Variants in FGF18 observed in about 807,000 individuals in gnomAD.
FGF18 encodes the protein fibroblast growth factor 18.
Under a neutral mutation model 23.0 loss-of-function variants are expected in FGF18, and 5 were observed. The ratio of observed to expected loss-of-function variants is 0.22; its 90% confidence interval spans 0.11 to 0.46. FGF18 has a LOEUF of 0.46. FGF18 is among the 20% of genes least tolerant of loss of function. The probability of loss-of-function intolerance (pLI) is 0.99; values close to 1 mark genes in which losing one functional copy is unlikely to be tolerated. For missense variants in FGF18, 180 were observed against 291.6 expected (o/e 0.62, Z 2.79); for synonymous variants, 117 against 118.9 (o/e 0.98, Z 0.10).
intron 3 of FGF18, among the ~76,000 whole-genome samples, chr5:171,442,824 A>G (rs1772365003): frequency 6.6e-6 from 1 of 152,186 alleles, no homozygotes. Context: ...CGGCTGGGGA[A>G]GCACACTGGG....
intron 4 of FGF18, among the ~76,000 whole-genome samples, chr5:171,454,508 C>CGTGT: frequency 6.6e-6 from 1 of 152,258 alleles, no homozygotes; most frequent in East Asian, 1.9e-4. Flanking sequence ...CTGGGTCCCA[C>CGTGT]GTGTGTGTCC....
At chr5:171,443,429 G>GTTCACACTC (rs1561888985) in intron 3 of FGF18, among the ~76,000 whole-genome samples, 2 of 143,280 alleles carry the variant, frequency 1.4e-5, no homozygotes, top group African/African-American at 5.2e-5. Context: ...CCGGCCCCAC[G>GTTCACACTC]TTCACACTCT....
At position 171,443,135 on chromosome 5, in the gene FGF18, C is replaced by CTT. The variant is rs551889632; in HGVS notation, c.251-6000_251-5999dup. 6.3e-3 allele frequency among the ~76,000 whole-genome samples: 931 copies of CTT among 147,270 alleles called. 13 individuals are homozygous for CTT. The highest frequency in any genetic ancestry group is 0.021 in the African/African-American group (849 of 40,160). ...AAATGAGATATTCCACATTCACACA[C>CTT]TTTTTTTTTTTTTAGATGGAGTCTC... On this transcript the variant is annotated intron_variant, in intron 3 of 4. Transcript: ENST00000274625.
At chr5:171,420,596 G>A (rs1220792379) in intron 2 of FGF18, among the ~76,000 whole-genome samples, 153 bp downstream of exon 2, 1 of 152,144 alleles carries the variant, frequency 6.6e-6, no homozygotes, top group Non-Finnish European at 1.5e-5. Context: ...GCGGCTCCGC[G>A]TGCGCCCTGC....
chr5:171,448,292 T>A (rs2113359464), intron 3 of FGF18, among the ~76,000 whole-genome samples: 1 of 151,966 alleles, frequency 6.6e-6, no homozygotes, highest in Non-Finnish European at 1.5e-5. Context: ...CTCCTGGGAG[T>A]TAGTTACCCT....
intron 3 of FGF18, among the ~76,000 whole-genome samples, chr5:171,447,575 CT>C (rs1411900871): frequency 2.0e-5 from 3 of 152,216 alleles, no homozygotes; most frequent in East Asian, 1.9e-4. Context: ...GTAAATTCTT[CT>C]TTTTTTCCCT....
intron 2 of FGF18, among the ~76,000 whole-genome samples, chr5:171,430,769 T>C (rs1168693524): frequency 8.7e-6 from 1 of 114,708 alleles, no homozygotes; most frequent in Non-Finnish European, 1.6e-5. Flanking sequence ...TAGTCCGGCC[T>C]GGGCGACAGA....
intron 2 of FGF18, among the ~76,000 whole-genome samples, chr5:171,422,922 G>A (rs1446476329): frequency 6.6e-6 from 1 of 152,236 alleles, no homozygotes; most frequent in Non-Finnish European, 1.5e-5. Flanking sequence ...TGGTCATGGA[G>A]TTGAACTGGT....
At chr5:171,435,068 G>A (rs1337119476) in intron 2 of FGF18, among the ~76,000 whole-genome samples, 1 of 152,190 alleles carries the variant, frequency 6.6e-6, no homozygotes, top group Non-Finnish European at 1.5e-5. Context: ...AAAGGCCCTG[G>A]GGCAGGAGTG....
chr5:171,432,600 G>C (rs1772197113), intron 2 of FGF18, among the ~76,000 whole-genome samples: 1 of 152,008 alleles, frequency 6.6e-6, no homozygotes, highest in Non-Finnish European at 1.5e-5. Context: ...GTAGAGACAG[G>C]GTTTCAGTAT....
chr5:171,426,136 C>A (rs751749913), intron 2 of FGF18, among the ~76,000 whole-genome samples: 1 of 152,166 alleles, frequency 6.6e-6, no homozygotes, highest in Non-Finnish European at 1.5e-5. Flanking sequence ...CCAAAGAAAT[C>A]ATCCCTACTG....
chr5:171,429,137 A>C (rs1011641758), intron 2 of FGF18, among the ~76,000 whole-genome samples: 5 of 152,078 alleles, frequency 3.3e-5, no homozygotes, highest in Non-Finnish European at 5.9e-5. Context: ...AGGTGGGGGC[A>C]CCCATCAGAG....
chr5:171,436,363 T>C lies in FGF18; in HGVS notation c.250+90T>C. ...CCTCAAGTTCAAATGCCAGCCTTGC[T>C]GCTCCTGGCTGTGTGATCTTGGACC... On this transcript the variant is annotated intron_variant, in intron 3 of 4. Transcript: ENST00000274625. The surrounding 1 kb of genome is among the most constrained non-coding windows in gnomAD (Gnocchi z 4.4). The C allele has an allele frequency of 9.2e-7, 1 of 1,089,544 alleles. No individual in the cohort carries two copies. Among genetic ancestry groups the C allele is most frequent in the Non-Finnish European group, 1.2e-6 (1 of 806,924 alleles). 67.5% of individuals were successfully genotyped at this position (1,089,544 alleles called of 1,614,324 possible). A position where few individuals can be genotyped will look rare whatever the true frequency, so the allele number is the denominator to read the frequency against.
Position 171,451,143 on chromosome 5 carries a change from C to T in FGF18, c.357+1890C>T, listed in dbSNP as rs1772501216. Among the ~76,000 whole-genome samples the T allele has an allele frequency of 1.3e-5, 2 of 151,942 alleles. No individual in the cohort carries two copies. Among genetic ancestry groups the T allele is most frequent in the East Asian group, 2.0e-4 (1 of 5,114 alleles). On this transcript the variant is annotated intron_variant, in intron 4 of 4. Coordinates refer to ENST00000274625, the MANE Select transcript of FGF18 (RefSeq NM_003862.3). This position sits in a 1 kb window ranked among gnomAD's most constrained non-coding sequence, Gnocchi z 4.5. Reference sequence around the variant, plus strand: ...AGCCGGCTCCGATTTCCTGCCCCCTCGCCCTCTCTCCCGTCATTAATATTG... The same window carrying T: ...AGCCGGCTCCGATTTCCTGCCCCCTTGCCCTCTCTCCCGTCATTAATATTG...
At chr5:171,430,133 T>G (rs998637186) in intron 2 of FGF18, among the ~76,000 whole-genome samples, 1 of 150,560 alleles carries the variant, frequency 6.6e-6, no homozygotes, top group Non-Finnish European at 1.5e-5. Context: ...CCGAGGCGGG[T>G]GGATCATGAG....
intron 4 of FGF18, among the ~76,000 whole-genome samples, chr5:171,455,214 G>C (rs1156915685): frequency 6.6e-6 from 1 of 152,210 alleles, no homozygotes; most frequent in Non-Finnish European, 1.5e-5. Context: ...TCCCAAGGGA[G>C]TTCACACATC....
intron 3 of FGF18, among the ~76,000 whole-genome samples, chr5:171,442,033 C>A (rs1014414658): frequency 5.3e-5 from 8 of 152,180 alleles, no homozygotes; most frequent in African/African-American, 1.9e-4. Context: ...AACTTCCTAT[C>A]TCCACCTAAA....
rs1455678310 is a variant in FGF18, at chr5:171,434,806, T to G, written c.70-1287T>G. Among the ~76,000 whole-genome samples, 1 of 141,184 alleles carries G rather than the reference T, an allele frequency of 7.1e-6. No homozygotes were observed. Among genetic ancestry groups the G allele is most frequent in the Non-Finnish European group, 1.5e-5 (1 of 65,336 alleles). The allele number at this position is 141,184 out of a possible 152,430, so 92.6% of individuals were successfully genotyped here. Reference sequence around the variant, plus strand: ...TGAGAGACACTGCTCCAGCTTTCTCTCCCTTTTTTTTTTTTTTTTGATGGT... The same window carrying G: ...TGAGAGACACTGCTCCAGCTTTCTCGCCCTTTTTTTTTTTTTTTTGATGGT... On this transcript the variant is annotated intron_variant, in intron 2 of 4. Coordinates refer to ENST00000274625, the MANE Select transcript of FGF18 (RefSeq NM_003862.3). This position sits in a 1 kb window ranked among gnomAD's most constrained non-coding sequence, Gnocchi z 4.6.
chr5:171,434,654 G>A lies in FGF18; in HGVS notation c.70-1439G>A, dbSNP rs1772221611. Among the ~76,000 whole-genome samples the A allele has an allele frequency of 1.3e-5, 2 of 152,186 alleles. No individual in the cohort carries two copies. Among genetic ancestry groups the A allele is most frequent in the Non-Finnish European group, 2.9e-5 (2 of 68,036 alleles). On this transcript the variant is annotated intron_variant, in intron 2 of 4. Transcript: ENST00000274625. The surrounding 1 kb of genome is among the most constrained non-coding windows in gnomAD (Gnocchi z 4.6). Reference sequence around the variant, plus strand: ...AGGACATGCATACAACCAGCAGGGTGTAGGGGACCCTGCTCCAATGGTAAA... The same window carrying A: ...AGGACATGCATACAACCAGCAGGGTATAGGGGACCCTGCTCCAATGGTAAA...
Sources: allele counts gnomAD v4.1 joint callset (sites outside exome capture counted in the v4.1 genomes callset), GRCh38; gene constraint gnomAD v4.1.1; non-coding constraint Gnocchi (gnomAD v3.1); transcripts MANE v1.5; gene names NCBI Gene and HGNC (gene_info 2026-07-23, HGNC 2026-07-21).